BMP1: variants seen among roughly 807,000 people sequenced by gnomAD.
BMP1 encodes bone morphogenetic protein 1, also known as mammalian tolloid protein.
BMP1 carries 63 observed loss-of-function variants against 116.8 expected under a neutral mutation model. The observed-to-expected ratio is 0.54, with a 90% CI of 0.44 to 0.67. BMP1 has a LOEUF of 0.67. Among genes scored for constraint, BMP1 ranks in the 30% least tolerant of loss-of-function variants. BMP1 has a pLI of 0.00. For missense variants in BMP1, 1,183 were observed against 1,358.9 expected (o/e 0.87, Z 2.04); for synonymous variants, 536 against 533.4 (o/e 1.00, Z -0.07).
intron 17 of BMP1, 69 bp from the exon 18 acceptor site, chr8:22,207,234 G>A: frequency 3.3e-6 from 5 of 1,524,836 alleles, no homozygotes; most frequent in East Asian, 2.3e-5. Flanking sequence ...CTAGGTTTGG[G>A]GCCCTCATCC....
chr8:22,176,749 T>C, intron 4 of BMP1, 99 bp downstream of exon 4: 1 of 1,313,274 alleles, frequency 7.6e-7, no homozygotes, highest in East Asian at 2.3e-5. Flanking sequence ...CAGCCTTGGG[T>C]CCCTTTATCC....
intron 8 of BMP1, among the ~76,000 whole-genome samples, chr8:22,187,270 C>T (rs890528355): frequency 7.9e-5 from 12 of 151,984 alleles, no homozygotes; most frequent in South Asian, 4.2e-4. Context: ...GGATTATAGG[C>T]GTGAGCCACC....
At chr8:22,167,304 A>T (rs1335639681) in intron 1 of BMP1, among the ~76,000 whole-genome samples, 1 of 152,176 alleles carries the variant, frequency 6.6e-6, no homozygotes, top group Non-Finnish European at 1.5e-5. Context: ...ACAGTCCAGT[A>T]GGGACCCAAG....
intron 13 of BMP1, among the ~76,000 whole-genome samples, chr8:22,195,864 G>A (rs1284606931): frequency 6.6e-6 from 1 of 151,938 alleles, no homozygotes; most frequent in Non-Finnish European, 1.5e-5. Context: ...GCCGAGGCTT[G>A]TCTCAAACTC....
At chr8:22,189,593 G>A (rs56390102) in intron 8 of BMP1, among the ~76,000 whole-genome samples, 25,212 of 151,628 alleles carry the variant, frequency 0.17, 3,533 homozygotes, top group African/African-American at 0.39. Flanking sequence ...CAGCCTTCCT[G>A]GTAGCTGGAA....
Position 22,186,079 on chromosome 8 carries a change from G to A in BMP1, c.1077+5596G>A, listed in dbSNP as rs550357853. Reference sequence around the variant, plus strand: ...TCGGACTCCTGACCTCAGGCGATCCGCCAGCCTGGGCCTCTCAAAGTGCTG... The same window carrying A: ...TCGGACTCCTGACCTCAGGCGATCCACCAGCCTGGGCCTCTCAAAGTGCTG... On this transcript the variant is annotated intron_variant, in intron 8 of 19. Coordinates refer to ENST00000306385, the MANE Select transcript of BMP1 (RefSeq NM_006129.5). Among the ~76,000 whole-genome samples, 3 of 151,642 alleles carry A rather than the reference G, an allele frequency of 2.0e-5. No individual in the cohort carries two copies. The East Asian group carries it at 5.8e-4, about 30-fold the overall frequency.
At chr8:22,207,213 A>G (rs2131902303) in intron 17 of BMP1, 90 bp from the exon 18 acceptor site, 1 of 1,446,836 alleles carries the variant, frequency 6.9e-7, no homozygotes, top group East Asian at 2.3e-5. Flanking sequence ...TCCCATGGGT[A>G]TCTGTGAGGC....
In BMP1 at chr8:22,207,414, A is replaced by C; in HGVS notation, c.2473A>C (p.Lys825Gln). ...CGTCCTCGGCCGCTTCTGTGGGAGC[A>C]AGAAGCCCGAGCCCGTCCTGGCCAC... is the stretch of plus-strand genomic sequence containing the variant. ...APVLGRFCGSKKPEPVLATGS... is the reference protein window; with the variant it reads ...APVLGRFCGSQKPEPVLATGS... Residue 825 changes from lysine (K) to glutamine (Q), a missense_variant, in exon 18 of 20, where the codon AAG becomes CAG. Physicochemically the swap from Lys to Gln is moderately conservative, Grantham distance 53 (BLOSUM62 1). Around this residue, in one of 4 missense-constraint regions of BMP1, gnomAD observed 956 missense variants for 1,135.2 expected, o/e 0.84. Transcript: ENST00000306385. 6.2e-7 allele frequency: 1 copy of C among 1,614,120 alleles called. No homozygotes were observed. The highest frequency in any genetic ancestry group is 8.5e-7 in the Non-Finnish European group (1 of 1,180,032).
At chr8:22,185,131 G>T (rs1828729787) in intron 8 of BMP1, among the ~76,000 whole-genome samples, 1 of 152,156 alleles carries the variant, frequency 6.6e-6, no homozygotes, top group Non-Finnish European at 1.5e-5. Context: ...CAACGGAGGA[G>T]AACCTTTATG....
chr8:22,196,360 C>T lies in BMP1; in HGVS notation c.1766-320C>T, dbSNP rs1423317138. On this transcript the variant is annotated intron_variant, in intron 13 of 19. Transcript: ENST00000306385. ...TCCTGCACCTCCCAGGACCGCCCCTCCCTGAACTGCTTTCCCTGAGCCCCT... is the reference window on the plus strand; with the variant it reads ...TCCTGCACCTCCCAGGACCGCCCCTTCCTGAACTGCTTTCCCTGAGCCCCT... 3 of 588,926 alleles carry T rather than the reference C, an allele frequency of 5.1e-6. No individual in the cohort carries two copies. The East Asian group carries it at 1.1e-4, about 21-fold the overall frequency. The allele number at this position is 588,926 out of a possible 1,614,324, so 36.5% of individuals were successfully genotyped here.
chr8:22,197,161 A>G (rs1176331890), intron 14 of BMP1, 79 bp from the exon 15 acceptor site: 1 of 1,539,624 alleles, frequency 6.5e-7, no homozygotes, highest in African/African-American at 1.4e-5. Context: ...GATGTGCAGA[A>G]CAGAGAGCTT....
intron 2 of BMP1, among the ~76,000 whole-genome samples, chr8:22,174,250 C>G (rs188022101): frequency 6.6e-6 from 1 of 152,182 alleles, no homozygotes; most frequent in East Asian, 1.9e-4. Context: ...CAGTTGCCCC[C>G]GAAACATGAC....
At chr8:22,174,872 G>A (rs922534256) in intron 2 of BMP1, among the ~76,000 whole-genome samples, 5 of 151,980 alleles carry the variant, frequency 3.3e-5, no homozygotes, top group South Asian at 2.1e-4. Context: ...GGCCTCAAGC[G>A]AACTATCCTC....
At chr8:22,166,608 AG>A (rs145959226) in intron 1 of BMP1, among the ~76,000 whole-genome samples, 4,071 of 152,280 alleles carry the variant, frequency 0.027, 174 homozygotes, top group African/African-American at 0.092. Context: ...AGCCAGGGGA[AG>A]TGGCATAGTT....
Position 22,199,541 on chromosome 8 carries a change from C to T in BMP1, c.2107+2121C>T, listed in dbSNP as rs577951562. ...ACTCACTTTCCCCCACTCATTCATC[C>T]AGCCATTCACTTACGCGTTCACTCG... On this transcript the variant is annotated intron_variant, in intron 15 of 19. Transcript: ENST00000306385. Among the ~76,000 whole-genome samples, 38 of 152,226 alleles carry T rather than the reference C, an allele frequency of 2.5e-4. No homozygotes were observed. The South Asian group carries it at 7.5e-3, about 30-fold the overall frequency.
intron 8 of BMP1, among the ~76,000 whole-genome samples, chr8:22,186,154 CCTTCCCCGA>C (rs1828766548): frequency 6.6e-6 from 1 of 152,038 alleles, no homozygotes. Context: ...ATTCTTAATA[CCTTCCCCGA>C]CTTCCACATC....
At chr8:22,197,105 G>A (rs1829115165) in intron 14 of BMP1, 135 bp from the exon 15 acceptor site, 2 of 1,212,368 alleles carry the variant, frequency 1.6e-6, no homozygotes, top group African/African-American at 1.5e-5. Context: ...GGCTTGGCGA[G>A]TACAGGAGGA....
rs2131885151 is a variant in BMP1 at position 22,195,551 on chromosome 8, G to A, written c.1729G>A (p.Gly577Arg). 6.2e-7 allele frequency: 1 copy of A among 1,612,480 alleles called. No individual in the cohort carries two copies. The highest frequency in any genetic ancestry group is 8.5e-7 in the Non-Finnish European group (1 of 1,179,716). Reference sequence around the variant, plus strand: ...CAGCTACAAGTGCAGCTGTGACCCCGGGTACGAGCTGGCCCCAGACAAGCG... The same window carrying A: ...CAGCTACAAGTGCAGCTGTGACCCCAGGTACGAGCTGGCCCCAGACAAGCG... Reference protein sequence around the residue: ...LGSYKCSCDPGYELAPDKRRC... With the variant: ...LGSYKCSCDPRYELAPDKRRC... The change falls in exon 13 of 20, where the codon GGG (glycine) becomes AGG (arginine). Residue 577 changes from glycine (G) to arginine (R), a missense_variant. Transcript: ENST00000306385.
At chr8:22,177,995 AG>A in intron 6 of BMP1, 38 bp downstream of exon 6, 1 of 1,501,738 alleles carries the variant, frequency 6.7e-7, no homozygotes, top group East Asian at 2.3e-5. Flanking sequence ...CTGCTCGGGC[AG>A]CCCCACCCTG....
Sources: gnomAD v4.1 joint callset for allele counts (sites outside exome capture counted in the v4.1 genomes callset) on GRCh38, gnomAD v4.1.1 for gene constraint, gnomAD v4.1.1 regional missense constraint, MANE v1.5 for transcripts, NCBI Gene and HGNC (gene_info 2026-07-23, HGNC 2026-07-21) for gene names.